PBX1: variants seen among roughly 807,000 people sequenced by gnomAD.
The protein encoded by PBX1 is PBX homeobox 1, also known as pre-B-cell leukemia transcription factor 1.
In PBX1, 6 loss-of-function variants were observed where a neutral mutation model predicts 53.4. The observed-to-expected ratio is 0.11, with a 90% CI of 0.06 to 0.22. The LOEUF (loss-of-function observed/expected upper bound fraction) is 0.22, where lower values mean the gene tolerates loss of function less well. Ranked by LOEUF, PBX1 falls within the 10% of genes least tolerant of loss-of-function variation. The pLI is 1.00. For synonymous variants in PBX1, 204 were observed against 212.3 expected, an observed-to-expected ratio of 0.96 and a Z score of 0.34; for missense variants, 251 against 551.4, an observed-to-expected ratio of 0.46 and a Z score of 5.46.
chr1:164,835,918 A>T (rs1671015418), intron 8 of PBX1, among the ~76,000 whole-genome samples: 1 of 152,132 alleles, frequency 6.6e-6, no homozygotes, highest in South Asian at 2.1e-4. Flanking sequence ...TATTTTTCTG[A>T]TCTATGAAAA....
intron 2 of PBX1, among the ~76,000 whole-genome samples, chr1:164,633,402 G>C (rs1658540447): frequency 6.6e-6 from 1 of 152,140 alleles, no homozygotes; most frequent in Non-Finnish European, 1.5e-5. Context: ...CACCCACCTT[G>C]GCCTTCCAAA....
intron 8 of PBX1, among the ~76,000 whole-genome samples, chr1:164,823,616 G>A (rs1320180695): frequency 7.5e-6 from 1 of 133,526 alleles, no homozygotes; most frequent in African/African-American, 2.9e-5. Context: ...ACTCTGGGGG[G>A]TGGGGGGGGG....
chr1:164,772,226 C>T (rs145219018), intron 2 of PBX1, among the ~76,000 whole-genome samples: 23 of 152,320 alleles, frequency 1.5e-4, no homozygotes, highest in African/African-American at 5.1e-4. Context: ...ATTTACTACA[C>T]CAAAATTCTT....
intron 4 of PBX1, among the ~76,000 whole-genome samples, chr1:164,805,292 C>G (rs1005280928): frequency 3.3e-5 from 5 of 152,196 alleles, no homozygotes; most frequent in Non-Finnish European, 7.3e-5. Context: ...TCAGTTAGCT[C>G]AACCTTATTG....
chr1:164,831,813 C>T (rs1418473087), intron 8 of PBX1, among the ~76,000 whole-genome samples: 2 of 152,160 alleles, frequency 1.3e-5, no homozygotes, highest in Non-Finnish European at 2.9e-5. Flanking sequence ...CTGTTCTTTT[C>T]CCAGCAGCCA....
At chr1:164,803,212 G>T (rs1371241328) in intron 4 of PBX1, among the ~76,000 whole-genome samples, 1 of 152,084 alleles carries the variant, frequency 6.6e-6, no homozygotes, top group African/African-American at 2.4e-5. Context: ...TGCATATAAA[G>T]GTGGGTCCTA....
intron 2 of PBX1, among the ~76,000 whole-genome samples, chr1:164,671,219 GT>G (rs1181653318): frequency 1.3e-5 from 2 of 150,706 alleles, no homozygotes; most frequent in East Asian, 3.9e-4. Flanking sequence ...GTTACTCTTG[GT>G]TTTTGTTTTG....
At chr1:164,767,676 C>G (rs1209017726) in intron 2 of PBX1, among the ~76,000 whole-genome samples, 2 of 151,738 alleles carry the variant, frequency 1.3e-5, no homozygotes, top group East Asian at 3.9e-4. Flanking sequence ...AAAAGGCTTT[C>G]TGTACTCACT....
intron 2 of PBX1, among the ~76,000 whole-genome samples, chr1:164,743,643 T>G (rs1665738097): frequency 6.6e-6 from 1 of 152,104 alleles, no homozygotes; most frequent in South Asian, 2.1e-4. Flanking sequence ...CCAAGCACAT[T>G]AAAATAAAAT....
At chr1:164,639,357 T>C (rs1270936925) in intron 2 of PBX1, among the ~76,000 whole-genome samples, 3 of 152,236 alleles carry the variant, frequency 2.0e-5, no homozygotes, top group Non-Finnish European at 2.9e-5. Flanking sequence ...TCCTTCTGTT[T>C]AGATTAGAAA....
chr1:164,865,844 T>C (rs1672203848), intron 2 of PBX1, among the ~76,000 whole-genome samples: 2 of 152,120 alleles, frequency 1.3e-5, no homozygotes, highest in South Asian at 4.1e-4. Flanking sequence ...CTTGCCTCAG[T>C]GTGGAAATGG....
intron 2 of PBX1, among the ~76,000 whole-genome samples, chr1:164,693,953 G>A (rs1487632338): frequency 6.6e-6 from 1 of 152,116 alleles, no homozygotes; most frequent in Non-Finnish European, 1.5e-5. Context: ...TTGTCTAAAA[G>A]TGTCCTCTGT....
intron 2 of PBX1, among the ~76,000 whole-genome samples, chr1:164,704,121 T>TA (rs923125198): frequency 4.0e-5 from 6 of 151,034 alleles, no homozygotes; most frequent in Non-Finnish European, 7.4e-5. Context: ...GTCCTATAGT[T>TA]AAAAAAAAAG....
intron 2 of PBX1, among the ~76,000 whole-genome samples, chr1:164,626,766 G>T (rs1018032611): frequency 1.3e-5 from 2 of 152,112 alleles, no homozygotes; most frequent in Admixed American, 1.3e-4. Flanking sequence ...CTCGTGTTTA[G>T]ATTTTCTCAT....
chr1:164,696,086 G>A (rs999763382), intron 2 of PBX1, among the ~76,000 whole-genome samples: 9 of 152,252 alleles, frequency 5.9e-5, no homozygotes, highest in South Asian at 4.1e-4. Context: ...AGACCCAGTC[G>A]TTATTTGAGC....
At chr1:164,875,057 G>A (rs2102458834) in intron 2 of PBX1, among the ~76,000 whole-genome samples, 1 of 152,242 alleles carries the variant, frequency 6.6e-6, no homozygotes. Context: ...AATAATCAAA[G>A]CCACCTCCCC....
chr1:164,633,490 A>T lies in PBX1; in HGVS notation c.265+70179A>T, dbSNP rs960001197. Among the ~76,000 whole-genome samples, 3 of 151,992 alleles carry T rather than the reference A, an allele frequency of 2.0e-5. No homozygotes were observed. In the South Asian group the frequency reaches 6.2e-4, roughly 32 times the overall value. On this transcript the variant is annotated intron_variant, in intron 2 of 8. Coordinates refer to ENST00000420696, the MANE Select transcript of PBX1 (RefSeq NM_002585.4). ...ACTATTAATAGTTGGGTCATTTTCTATTACTAGTATTTTCACTGCTAGGTC... is the reference window on the plus strand; with the variant it reads ...ACTATTAATAGTTGGGTCATTTTCTTTTACTAGTATTTTCACTGCTAGGTC...
chr1:164,848,706 G>C lies in PBX1; in HGVS notation c.*2030G>C, dbSNP rs771388964. 1.9e-6 allele frequency: 2 copies of C among 1,056,410 alleles called. No homozygotes were observed. Among genetic ancestry groups the C allele is most frequent in the Non-Finnish European group, 2.3e-6 (2 of 873,636 alleles). 65.4% of individuals were successfully genotyped at this position (1,056,410 alleles called of 1,614,324 possible). On this transcript the variant is annotated 3_prime_UTR_variant, in exon 9 of 9. Coordinates refer to ENST00000420696, the MANE Select transcript of PBX1 (RefSeq NM_002585.4). Reference sequence around the variant, plus strand: ...CAATATGTTGCCTTGTACATACTTGGTCCCTGTCACATTGACTGCTTGGGA... The same window carrying C: ...CAATATGTTGCCTTGTACATACTTGCTCCCTGTCACATTGACTGCTTGGGA...
At chr1:164,844,228 AACAC>A (rs2102415770) in intron 8 of PBX1, among the ~76,000 whole-genome samples, 1 of 151,854 alleles carries the variant, frequency 6.6e-6, no homozygotes, top group East Asian at 1.9e-4. Flanking sequence ...TTATTCCTGA[AACAC>A]TTTGTTTCCA....
Sources: allele counts gnomAD v4.1 joint callset (sites outside exome capture counted in the v4.1 genomes callset), GRCh38; gene constraint gnomAD v4.1.1; transcripts MANE v1.5; gene names NCBI Gene and HGNC (gene_info 2026-07-23, HGNC 2026-07-21).